TRAPPC9: variants seen among roughly 807,000 people sequenced by gnomAD.
TRAPPC9 encodes the protein trafficking protein particle complex subunit 9.
A neutral mutation model predicts 124.0 loss-of-function variants in TRAPPC9; 83 were observed. The ratio of observed to expected loss-of-function variants is 0.67; its 90% CI spans 0.56 to 0.80. The LOEUF is 0.80. TRAPPC9 is among the 30% of genes least tolerant of loss of function. TRAPPC9 has a pLI of 0.00. For missense variants in TRAPPC9, 1,302 were observed against 1,508.3 expected, an observed-to-expected ratio of 0.86 and a Z score of 2.27; for synonymous variants, 638 against 617.5, an observed-to-expected ratio of 1.03 and a Z score of -0.49.
intron 17 of TRAPPC9, among the ~76,000 whole-genome samples, chr8:140,146,623 G>A (rs887420858): frequency 6.6e-6 from 1 of 152,072 alleles, no homozygotes; most frequent in African/African-American, 2.4e-5. Context: ...TCTTAACTAT[G>A]ACATTTTGTA....
chr8:140,001,415 G>A (rs757575671), intron 18 of TRAPPC9, among the ~76,000 whole-genome samples: 8 of 151,222 alleles, frequency 5.3e-5, no homozygotes, highest in Admixed American at 2.0e-4. Flanking sequence ...AAAAGAAACC[G>A]GACAAAGAAC....
chr8:140,274,795 G>T (rs2065062289), intron 15 of TRAPPC9, among the ~76,000 whole-genome samples: 1 of 152,166 alleles, frequency 6.6e-6, no homozygotes, highest in Non-Finnish European at 1.5e-5. Flanking sequence ...CTGCCAGGAA[G>T]TAACATGTGA....
chr8:139,766,713 C>T (rs1331392786), intron 21 of TRAPPC9, among the ~76,000 whole-genome samples: 1 of 152,176 alleles, frequency 6.6e-6, no homozygotes, highest in African/African-American at 2.4e-5. Flanking sequence ...TTAAGGTCCC[C>T]GCTCCTGAGG....
At position 140,024,052 on chromosome 8, in the gene TRAPPC9, A is replaced by T. The variant is rs765759784; in HGVS notation, c.2584T>A (p.Tyr862Asn). The T allele has an allele frequency of 2.5e-6, 4 of 1,614,036 alleles. No homozygotes were observed. Among genetic ancestry groups the T allele is most frequent in the South Asian group, 1.1e-5 (1 of 91,074 alleles). The part of the protein sequence containing the change: ...KTLEAVLNFK[Y>N]SGGPGHTEGY... ...TCAGTGTGGCCCGGGCCTCCAGAGT[A>T]TTTGAAATTCAGGACAGCTTCCAGG... Residue 862 changes from tyrosine to asparagine, a missense_variant, in exon 18 of 23, where the codon TAC becomes AAC. This residue lies in a region of TRAPPC9 where 640 missense variants were observed against 679.3 expected (regional missense o/e 0.94). Coordinates refer to ENST00000438773, the MANE Select transcript of TRAPPC9 (RefSeq NM_001160372.4).
At chr8:140,420,382 C>T (rs947527552) in intron 5 of TRAPPC9, among the ~76,000 whole-genome samples, 6 of 152,166 alleles carry the variant, frequency 3.9e-5, no homozygotes, top group Admixed American at 2.0e-4. Flanking sequence ...AAAATTCATA[C>T]GGAAATTCAA....
In TRAPPC9 at chr8:140,287,739, A is replaced by T; in HGVS notation, c.1855-5T>A. ...CACTCCGCTGGTGAGCAGCCCCTAA[A>T]CCAAGCGACGCAGCATCGTAAGCCC... On this transcript the variant is annotated splice_region_variant and splice_polypyrimidine_tract_variant and intron_variant, in intron 12 of 22. Transcript: ENST00000438773. 1 of 1,614,108 alleles carries T rather than the reference A, an allele frequency of 6.2e-7. No homozygotes were observed. The highest frequency in any genetic ancestry group is 8.5e-7 in the Non-Finnish European group (1 of 1,180,024).
At chr8:139,978,720 A>G (rs1417372468) in intron 19 of TRAPPC9, among the ~76,000 whole-genome samples, 2 of 152,196 alleles carry the variant, frequency 1.3e-5, no homozygotes, top group Admixed American at 1.3e-4. Flanking sequence ...TGTCTGTGCC[A>G]GGCTACCCTC....
At chr8:140,372,281 T>C (rs915522456) in intron 7 of TRAPPC9, among the ~76,000 whole-genome samples, 1 of 152,222 alleles carries the variant, frequency 6.6e-6, no homozygotes. Flanking sequence ...CTCCCTCCTC[T>C]GCCCTGGACG....
At chr8:139,793,858 A>G (rs567764817) in intron 21 of TRAPPC9, among the ~76,000 whole-genome samples, 1 of 152,286 alleles carries the variant, frequency 6.6e-6, no homozygotes, top group African/African-American at 2.4e-5. Context: ...AGGGAGTGAT[A>G]TTTGAAATAA....
chr8:140,094,561 A>G (rs1042960239), intron 17 of TRAPPC9, among the ~76,000 whole-genome samples: 1 of 152,134 alleles, frequency 6.6e-6, no homozygotes, highest in Non-Finnish European at 1.5e-5. Flanking sequence ...ATGTAACCCA[A>G]CACAACTGGT....
chr8:139,974,394 T>C (rs572271956), intron 19 of TRAPPC9, among the ~76,000 whole-genome samples: 1 of 152,266 alleles, frequency 6.6e-6, no homozygotes, highest in East Asian at 1.9e-4. Context: ...CATCTCCCCG[T>C]TCCAGCAGCT....
chr8:140,099,115 C>T (rs1349674925), intron 17 of TRAPPC9: 2 of 152,004 alleles, frequency 1.3e-5, no homozygotes, highest in Non-Finnish European at 2.9e-5. Context: ...AGACACTCAG[C>T]TAGGTCTCAG....
At chr8:139,859,416 A>G (rs1195746081) in intron 21 of TRAPPC9, among the ~76,000 whole-genome samples, 1 of 152,214 alleles carries the variant, frequency 6.6e-6, no homozygotes, top group East Asian at 1.9e-4. Flanking sequence ...TTACTAAGCA[A>G]AGCTGAATTT....
At chr8:140,079,746 G>A (rs377199599) in intron 17 of TRAPPC9, among the ~76,000 whole-genome samples, 14 of 152,084 alleles carry the variant, frequency 9.2e-5, no homozygotes, top group Admixed American at 4.6e-4. Context: ...CCTGCCCAAC[G>A]TGGCAAAACT....
upstream of TRAPPC9, chr8:140,457,833 A>C: frequency 1.9e-6 from 2 of 1,071,800 alleles, no homozygotes; most frequent in Non-Finnish European, 2.3e-6. Flanking sequence ...GACGCGAGGG[A>C]AGCAAGGGGG....
chr8:139,933,751 A>G (rs1481149150), intron 19 of TRAPPC9: 1 of 152,248 alleles, frequency 6.6e-6, no homozygotes, highest in East Asian at 1.9e-4. Context: ...TTGGGAATCA[A>G]TTCATACATA....
In TRAPPC9 at chr8:140,366,340, T is replaced by C. The variant is rs189036660; in HGVS notation, c.1351+4624A>G. 2.3e-3 allele frequency among the ~76,000 whole-genome samples: 355 copies of C among 152,294 alleles called. 4 individuals carry two copies. Among genetic ancestry groups the C allele is most frequent in the African/African-American group, 8.1e-3 (338 of 41,558 alleles). ...CTAATCTCGAGGCTTACTATAAAAC[T>C]ATAGTACTCAAGATAGTGTGGTACT... is the stretch of plus-strand genomic sequence containing the variant. On this transcript the variant is annotated intron_variant, in intron 8 of 22. Transcript: ENST00000438773.
intron 11 of TRAPPC9, among the ~76,000 whole-genome samples, chr8:140,299,305 G>C (rs1295868070): frequency 6.6e-6 from 1 of 152,128 alleles, no homozygotes; most frequent in African/African-American, 2.4e-5. Context: ...GTGTGGGCAG[G>C]GGGGGGTCAG....
chr8:139,885,666 T>C (rs922434660), intron 21 of TRAPPC9, among the ~76,000 whole-genome samples: 2 of 152,240 alleles, frequency 1.3e-5, no homozygotes, highest in African/African-American at 4.8e-5. Context: ...ACCGGAGTGC[T>C]GAGCTGCCCG....
Sources: gnomAD v4.1 joint callset for allele counts (sites outside exome capture counted in the v4.1 genomes callset) on GRCh38, gnomAD v4.1.1 for gene constraint, gnomAD v4.1.1 regional missense constraint, MANE v1.5 for transcripts, NCBI Gene and HGNC (gene_info 2026-07-23, HGNC 2026-07-21) for gene names.